PPP2R1A: variants seen among roughly 807,000 people sequenced by gnomAD.
PPP2R1A encodes the protein protein phosphatase 2 scaffold subunit Aalpha, also known as serine/threonine-protein phosphatase 2A 65 kDa regulatory subunit A alpha isoform.
In PPP2R1A, 15 loss-of-function variants were observed where a neutral mutation model predicts 67.1. The observed-to-expected ratio is 0.22, with a 90% CI of 0.15 to 0.34. The LOEUF is 0.34. PPP2R1A is among the 10% of genes least tolerant of loss of function. The probability of loss-of-function intolerance (pLI) is 1.00; values close to 1 mark genes in which losing one functional copy is unlikely to be tolerated. For synonymous variants in PPP2R1A, 337 were observed against 325.0 expected, an observed-to-expected ratio of 1.04 and a Z score of -0.40; for missense variants, 369 against 775.0, an observed-to-expected ratio of 0.48 and a Z score of 6.22.
At chr19:52,204,153 T>G (rs1025569398) in intron 2 of PPP2R1A, among the ~76,000 whole-genome samples, 2 of 152,086 alleles carry the variant, frequency 1.3e-5, no homozygotes, top group African/African-American at 2.4e-5. Context: ...AGATGTAAGC[T>G]CAGTGTGTTG....
chr19:52,222,915 G>A (rs552723315), intron 13 of PPP2R1A, among the ~76,000 whole-genome samples: 119 of 152,252 alleles, frequency 7.8e-4, no homozygotes, highest in Middle Eastern at 3.4e-3. Context: ...TCACGGATGG[G>A]ACAGTTCCCT....
At position 52,213,020 on chromosome 19, in the gene PPP2R1A, T is replaced by G. The variant is rs773968295; in HGVS notation, c.717T>G (p.Asp239Glu). 1.9e-6 allele frequency: 3 copies of G among 1,612,268 alleles called. No homozygotes were observed. The South Asian group carries it at 3.3e-5, about 18-fold the overall frequency. The change falls in exon 6 of 15, where the codon GAT becomes GAG. Residue 239 changes from aspartate (D) to glutamate (E), a missense_variant. This residue lies in a region of PPP2R1A where 276 missense variants were observed against 508.4 expected (regional missense o/e 0.54). Coordinates refer to ENST00000322088, the MANE Select transcript of PPP2R1A (RefSeq NM_014225.6). This position sits in a 1 kb window ranked among gnomAD's most constrained non-coding sequence, Gnocchi z 4.2. Reference protein sequence around the residue: ...VNIAQLLPQEDLEALVMPTLR... With the variant: ...VNIAQLLPQEELEALVMPTLR... ...TCGCCCAGCTTCTGCCCCAGGAGGA[T>G]CTGGAGGCCCTGGTGATGCCCACTC...
At position 52,219,370 on chromosome 19, in the gene PPP2R1A, G is replaced by A. The variant is rs181312907; in HGVS notation, c.1129-321G>A. ...AAAGGAACCCTTGTTAGCAAGCAGC[G>A]GAGCTAGGATTAGAAGAATCATGTC... On this transcript the variant is annotated intron_variant, in intron 9 of 14. Transcript: ENST00000322088. This position sits in a 1 kb window ranked among gnomAD's most constrained non-coding sequence, Gnocchi z 4.0. Among the ~76,000 whole-genome samples the A allele has an allele frequency of 2.1e-3, 313 of 152,336 alleles. No homozygotes were observed. The highest frequency in any genetic ancestry group is 6.9e-3 in the African/African-American group (285 of 41,558).
chr19:52,222,499 G>A (rs1280278508), intron 13 of PPP2R1A: 3 of 379,196 alleles, frequency 7.9e-6, no homozygotes, highest in Non-Finnish European at 1.4e-5. Context: ...ATCACCTTAT[G>A]TTTTATATGT....
At chr19:52,191,821 G>T (rs1365137298) in intron 1 of PPP2R1A, among the ~76,000 whole-genome samples, 1 of 152,194 alleles carries the variant, frequency 6.6e-6, no homozygotes, top group Non-Finnish European at 1.5e-5. Context: ...CAGGTCAGCA[G>T]AGCTGAATAG....
intron 1 of PPP2R1A, among the ~76,000 whole-genome samples, chr19:52,200,029 A>G (rs934576039): frequency 2.6e-5 from 4 of 151,978 alleles, no homozygotes; most frequent in Admixed American, 2.6e-4. Flanking sequence ...ATATTCTTCA[A>G]CTCCTGGACC....
rs982431062 is a variant in PPP2R1A at position 52,228,448 on chromosome 19, A to G, written c.*2467A>G. On this transcript the variant is annotated 3_prime_UTR_variant, in exon 15 of 15. Coordinates refer to ENST00000322088, the MANE Select transcript of PPP2R1A (RefSeq NM_014225.6). ...TGCTCTCAGGAGAACGGACTGAGGT[A>G]ACTCACCTTCTGTGAGCTTCATGTT... The G allele has an allele frequency of 6.6e-6, 1 of 152,242 alleles. No individual in the cohort carries two copies. The highest frequency in any genetic ancestry group is 1.5e-5 in the Non-Finnish European group (1 of 68,054). The allele number at this position is 152,242 out of a possible 1,614,324, so 9.4% of individuals were successfully genotyped here. A position where few individuals can be genotyped will look rare whatever the true frequency, so the allele number is the denominator to read the frequency against.
chr19:52,216,090 A>T lies in PPP2R1A; in HGVS notation c.993+16A>T, dbSNP rs765167908. 1 of 1,607,374 alleles carries T rather than the reference A, an allele frequency of 6.2e-7. No homozygotes were observed. Among genetic ancestry groups the T allele is most frequent in the South Asian group, 1.1e-5 (1 of 90,930 alleles). The stretch of plus-strand genomic sequence containing the variant: ...CTGCATCAAGGTAACAGAGAGTTTG[A>T]TGGGAGGAACCAAGTGGATCCGAGC... On this transcript the variant is annotated intron_variant, in intron 8 of 14. Coordinates refer to ENST00000322088, the MANE Select transcript of PPP2R1A (RefSeq NM_014225.6). This position sits in a 1 kb window ranked among gnomAD's most constrained non-coding sequence, Gnocchi z 4.3.
At chr19:52,200,786 C>A (rs2089539370) in intron 1 of PPP2R1A, among the ~76,000 whole-genome samples, 1 of 151,204 alleles carries the variant, frequency 6.6e-6, no homozygotes, top group African/African-American at 2.4e-5. Flanking sequence ...GTCTCTCCAC[C>A]CATCTTCACA....
At chr19:52,192,545 C>G (rs1348919593) in intron 1 of PPP2R1A, among the ~76,000 whole-genome samples, 2 of 152,090 alleles carry the variant, frequency 1.3e-5, no homozygotes, top group Non-Finnish European at 2.9e-5. Context: ...GACTCCTGAT[C>G]TCAGGTGATC....
chr19:52,215,091 C>T (rs1978484587), intron 6 of PPP2R1A, among the ~76,000 whole-genome samples: 1 of 151,988 alleles, frequency 6.6e-6, no homozygotes. Flanking sequence ...GGTCTCACAC[C>T]ATCACCCAGG....
At chr19:52,200,797 T>C (rs999847324) in intron 1 of PPP2R1A, among the ~76,000 whole-genome samples, 1 of 149,030 alleles carries the variant, frequency 6.7e-6, no homozygotes, top group Non-Finnish European at 1.5e-5. Context: ...CATCTTCACA[T>C]GCGTGCCTTC....
chr19:52,222,377 C>T, intron 13 of PPP2R1A, 136 bp downstream of exon 13: 7 of 1,288,498 alleles, frequency 5.4e-6, no homozygotes, highest in Non-Finnish European at 5.2e-6. Context: ...GCTCCCTTCC[C>T]TTCTCAAGGT....
At chr19:52,209,793 A>G (rs904135028) in intron 3 of PPP2R1A, among the ~76,000 whole-genome samples, 1 of 152,244 alleles carries the variant, frequency 6.6e-6, no homozygotes, top group African/African-American at 2.4e-5. Flanking sequence ...CCCTTGGCAT[A>G]ACATCTTCAA....
intron 12 of PPP2R1A, 86 bp downstream of exon 12, chr19:52,221,219 G>GAC: frequency 6.5e-7 from 1 of 1,548,644 alleles, no homozygotes; most frequent in South Asian, 1.2e-5. Flanking sequence ...CCCCAAGGGA[G>GAC]ACACCTGGCT....
At position 52,190,185 on chromosome 19, in the gene PPP2R1A, T is replaced by C. The variant is rs201099965; in HGVS notation, c.78+11T>C. 2,028 of 1,550,162 alleles carry C rather than the reference T, an allele frequency of 1.3e-3. 1 individual carries two copies. The highest frequency in any genetic ancestry group is 1.6e-3 in the Non-Finnish European group (1,832 of 1,146,374). Reference sequence around the variant, plus strand: ...AATGAGGACGTTCAGGTCCGGAGGCTACGGGGGACTTGGGGAAGACGCGGA... The same window carrying C: ...AATGAGGACGTTCAGGTCCGGAGGCCACGGGGGACTTGGGGAAGACGCGGA... On this transcript the variant is annotated intron_variant, in intron 1 of 14. Coordinates refer to ENST00000322088, the MANE Select transcript of PPP2R1A (RefSeq NM_014225.6).
At chr19:52,220,099 G>T in intron 10 of PPP2R1A, 90 bp from the exon 11 acceptor site, 1 of 1,411,256 alleles carries the variant, frequency 7.1e-7, no homozygotes, top group Non-Finnish European at 1.0e-6. Context: ...TCTTTCTAGG[G>T]TGGGTGTAGG....
rs2122350783 is a variant in PPP2R1A, at chr19:52,216,518, C to T, written c.994-11C>T. Reference sequence around the variant, plus strand: ...GCACTGACCCCTGTGCCTGCCTCTTCTCTCTCCCAGGAGCTGGTGTCCGAT... The same window carrying T: ...GCACTGACCCCTGTGCCTGCCTCTTTTCTCTCCCAGGAGCTGGTGTCCGAT... On this transcript the variant is annotated splice_polypyrimidine_tract_variant and intron_variant, in intron 8 of 14. Transcript: ENST00000322088. This position sits in a 1 kb window ranked among gnomAD's most constrained non-coding sequence, Gnocchi z 4.3. 1.2e-6 allele frequency: 2 copies of T among 1,614,174 alleles called. No homozygotes were observed. The highest frequency in any genetic ancestry group is 1.7e-5 in the Admixed American group (1 of 60,036).
chr19:52,190,206 G>A (rs2089439150), intron 1 of PPP2R1A, 32 bp downstream of exon 1: 16 of 1,547,164 alleles, frequency 1.0e-5, no homozygotes, highest in Non-Finnish European at 1.4e-5. Context: ...TGGGGAAGAC[G>A]CGGAGGGGTA....
Sources: gnomAD v4.1 joint callset for allele counts (sites outside exome capture counted in the v4.1 genomes callset) on GRCh38, gnomAD v4.1.1 for gene constraint, gnomAD v4.1.1 regional missense constraint, Gnocchi (gnomAD v3.1) non-coding constraint, MANE v1.5 for transcripts, NCBI Gene and HGNC (gene_info 2026-07-23, HGNC 2026-07-21) for gene names.